PDE8B: variants seen among roughly 807,000 people sequenced by gnomAD.
PDE8B encodes the protein phosphodiesterase 8B.
Under a neutral mutation model 101.3 loss-of-function variants are expected in PDE8B, and 26 were observed. The ratio of observed to expected loss-of-function variants is 0.26; its 90% CI spans 0.19 to 0.36. PDE8B has a LOEUF of 0.36. PDE8B is among the 10% of genes least tolerant of loss of function. The pLI is 1.00. For synonymous variants in PDE8B, 424 were observed against 429.3 expected (o/e 0.99, Z 0.15); for missense variants, 810 against 1,163.1 (o/e 0.70, Z 4.42).
chr5:77,411,610 TA>T (rs572664482), intron 14 of PDE8B, 65 bp from the exon 15 acceptor site: 32,192 of 949,208 alleles, frequency 0.034, 22 homozygotes, highest in East Asian at 0.037. Flanking sequence ...TCACTAATAA[TA>T]AAAAAAAAAA....
At chr5:77,266,291 T>C (rs1377849554) in intron 1 of PDE8B, among the ~76,000 whole-genome samples, 2 of 152,380 alleles carry the variant, frequency 1.3e-5, no homozygotes, top group Middle Eastern at 3.4e-3. Flanking sequence ...AAGGGGATGT[T>C]CTGCCTTCCT....
At chr5:77,315,004 C>G (rs1335154714) in intron 2 of PDE8B, among the ~76,000 whole-genome samples, 1 of 151,960 alleles carries the variant, frequency 6.6e-6, no homozygotes, top group African/African-American at 2.4e-5. Context: ...CAAGTCTTCT[C>G]CTCATTTTTT....
intron 1 of PDE8B, among the ~76,000 whole-genome samples, chr5:77,259,527 C>T (rs1286852594): frequency 6.6e-6 from 1 of 152,170 alleles, no homozygotes; most frequent in African/African-American, 2.4e-5. Context: ...GGGAGGCCAG[C>T]CTCTCCTCCA....
the PDE8B span, chr5:77,088,510 G>A: frequency 5.6e-4 from 83 of 148,442 alleles, no homozygotes; most frequent in African/African-American, 1.9e-3. Flanking sequence ...GAGGAGTTGG[G>A]GGAAGGTTGG....
the PDE8B span, among the ~76,000 whole-genome samples, chr5:77,157,249 C>T: frequency 2.6e-5 from 4 of 152,072 alleles, no homozygotes; most frequent in Admixed American, 1.3e-4. Flanking sequence ...AAAGGCTTCC[C>T]AGGGTAACTC....
the PDE8B span, among the ~76,000 whole-genome samples, chr5:77,197,643 T>C: frequency 6.6e-6 from 1 of 151,982 alleles, no homozygotes; most frequent in Non-Finnish European, 1.5e-5. Context: ...TCTTTGATTC[T>C]TCTCTCTTTT....
At chr5:77,238,904 CA>C (rs1319470941) in intron 1 of PDE8B, among the ~76,000 whole-genome samples, 1 of 152,186 alleles carries the variant, frequency 6.6e-6, no homozygotes, top group East Asian at 1.9e-4. Flanking sequence ...TTCAGGCCTT[CA>C]ACAGATTGTA....
chr5:77,139,551 C>A, the PDE8B span: 1 of 152,168 alleles, frequency 6.6e-6, no homozygotes, highest in Non-Finnish European at 1.5e-5. Context: ...TTACTTCTTT[C>A]CCATTTTCTA....
At chr5:77,128,353 G>A in the PDE8B span, among the ~76,000 whole-genome samples, 5 of 152,242 alleles carry the variant, frequency 3.3e-5, no homozygotes, top group Non-Finnish European at 5.9e-5. Context: ...TTCCTTTGAA[G>A]TCTGGGTAAA....
intron 10 of PDE8B, among the ~76,000 whole-genome samples, chr5:77,363,907 C>T (rs1013172805): frequency 6.6e-6 from 1 of 152,140 alleles, no homozygotes; most frequent in Non-Finnish European, 1.5e-5. Flanking sequence ...GCTTCCTCCA[C>T]AGTCCATACC....
At position 77,404,793 on chromosome 5, in the gene PDE8B, T is replaced by TG; in HGVS notation, c.1285dup (p.Asp429GlyfsTer69). ...TGAAATCGATATCATCTCGAGGCAG[T>TG]GATGGTAAGATGTTTTTCAGATTCC... On this transcript the variant is annotated frameshift_variant, in exon 12 of 22. Coordinates refer to ENST00000264917, the MANE Select transcript of PDE8B (RefSeq NM_003719.5). LOFTEE classifies it high-confidence loss of function. 1 of 1,581,664 alleles carries TG rather than the reference T, an allele frequency of 6.3e-7. No individual in the cohort carries two copies. Among genetic ancestry groups the TG allele is most frequent in the East Asian group, 2.2e-5 (1 of 44,656 alleles).
Position 77,264,066 on chromosome 5 carries a change from A to G in PDE8B, c.340-47928A>G, listed in dbSNP as rs777735669. Among the ~76,000 whole-genome samples the G allele has an allele frequency of 2.4e-4, 36 of 152,154 alleles. 1 individual carries two copies. The highest frequency in any genetic ancestry group is 1.3e-4 in the Admixed American group (2 of 15,262). The stretch of plus-strand genomic sequence containing the variant: ...GCGTCTTTTGTGTCTGGCTTCTTTC[A>G]TTTAGCGTAGTGTTTTAAAGGTTCA... On this transcript the variant is annotated intron_variant, in intron 1 of 21. Transcript: ENST00000264917.
At chr5:77,309,389 G>A (rs537394864) in intron 1 of PDE8B, among the ~76,000 whole-genome samples, 57 of 152,130 alleles carry the variant, frequency 3.7e-4, no homozygotes, top group South Asian at 1.0e-3. Context: ...CTTCCAATGC[G>A]AGTCACTTTT....
chr5:77,386,208 A>G (rs538866078), intron 10 of PDE8B, among the ~76,000 whole-genome samples: 16 of 152,292 alleles, frequency 1.1e-4, no homozygotes, highest in Middle Eastern at 3.4e-3. Context: ...TATGTGGTCA[A>G]TTTTGGAATA....
chr5:77,325,687 A>G lies in PDE8B; in HGVS notation c.548A>G (p.Asp183Gly). The G allele has an allele frequency of 6.2e-7, 1 of 1,613,912 alleles. No homozygotes were observed. The highest frequency in any genetic ancestry group is 8.5e-7 in the Non-Finnish European group (1 of 1,179,788). ...AAGCATCATGAAATTATTGTAATTGATCATAGACAAACTCAGAACTTCGAT... is the reference window on the plus strand; with the variant it reads ...AAGCATCATGAAATTATTGTAATTGGTCATAGACAAACTCAGAACTTCGAT... ...LDKHHEIIVI[D>G]HRQTQNFDAE... Residue 183 changes from aspartate to glycine, a missense_variant, in exon 3 of 22, where the codon GAT becomes GGT. This residue lies in a region of PDE8B where 251 missense variants were observed against 378.8 expected (regional missense o/e 0.66). Coordinates refer to ENST00000264917, the MANE Select transcript of PDE8B (RefSeq NM_003719.5).
At chr5:77,108,526 T>C in the PDE8B span, among the ~76,000 whole-genome samples, 1 of 152,052 alleles carries the variant, frequency 6.6e-6, no homozygotes, top group African/African-American at 2.4e-5. Context: ...CTATTAAAAA[T>C]ACAAAAATTA....
the PDE8B span, among the ~76,000 whole-genome samples, chr5:77,124,135 C>T: frequency 6.6e-6 from 1 of 152,068 alleles, no homozygotes; most frequent in African/African-American, 2.4e-5. Flanking sequence ...CAGCACCCAA[C>T]AATGTAAACT....
intron 1 of PDE8B, among the ~76,000 whole-genome samples, chr5:77,220,632 A>T (rs1170876272): frequency 6.6e-6 from 1 of 152,232 alleles, no homozygotes; most frequent in Non-Finnish European, 1.5e-5. Context: ...AGCACAAAAA[A>T]GTTTTAGCCC....
the PDE8B span, chr5:77,105,648 T>G: frequency 1.1e-4 from 17 of 152,232 alleles, no homozygotes; most frequent in Admixed American, 7.2e-4. Flanking sequence ...TGTTCTGATT[T>G]CTTTCAGATA....
Sources: allele counts gnomAD v4.1 joint callset (sites outside exome capture counted in the v4.1 genomes callset), GRCh38; gene constraint gnomAD v4.1.1; regional missense constraint gnomAD v4.1.1; transcripts MANE v1.5; gene names NCBI Gene and HGNC (gene_info 2026-07-23, HGNC 2026-07-21).